Variants in PITPNM3 observed in about 807,000 individuals in gnomAD.
PITPNM3 encodes the protein membrane-associated phosphatidylinositol transfer protein 3.
PITPNM3 carries 26 observed loss-of-function variants against 102.0 expected under a neutral mutation model. The observed-to-expected ratio is 0.25, with a 90% CI of 0.19 to 0.35. The LOEUF (loss-of-function observed/expected upper bound fraction) is 0.35, where lower values mean the gene tolerates loss of function less well. Ranked by LOEUF, PITPNM3 falls within the 10% of genes least tolerant of loss-of-function variation. The pLI, the probability that PITPNM3 is intolerant of heterozygous loss-of-function variation, is 1.00. For missense variants in PITPNM3, 1,083 were observed against 1,346.1 expected (o/e 0.80, Z 3.06); for synonymous variants, 578 against 558.6 (o/e 1.03, Z -0.49).
intron 14 of PITPNM3, among the ~76,000 whole-genome samples, chr17:6,465,167 C>T (rs1266278622): frequency 6.6e-6 from 1 of 152,230 alleles, no homozygotes; most frequent in Non-Finnish European, 1.5e-5. Context: ...CTGCCTCAGC[C>T]TCCTGCGTAG....
In PITPNM3 at chr17:6,478,347, A is replaced by T. The variant is rs1423571611; in HGVS notation, c.777+200T>A. On this transcript the variant is annotated intron_variant, in intron 7 of 19. Coordinates refer to ENST00000262483, the MANE Select transcript of PITPNM3 (RefSeq NM_031220.4). The surrounding 1 kb of genome is among the most constrained non-coding windows in gnomAD (Gnocchi z 4.4). ...TTGGGCTAGAGAGCAGCATGGGCTC[A>T]GAATCAGAACTCAGACTGTTGGCCT... Among the ~76,000 whole-genome samples, 1 of 152,284 alleles carries T rather than the reference A, an allele frequency of 6.6e-6. No individual in the cohort carries two copies. The highest frequency in any genetic ancestry group is 2.4e-5 in the African/African-American group (1 of 41,486).
rs1326452006 is a variant in PITPNM3 at position 6,451,319 on chromosome 17, C to G, written c.*4019G>C. ...AACATTTGAGAGCTAAAAACCAGCT[C>G]ACATCAAAATCAAGACCCAGTTGTA... On this transcript the variant is annotated 3_prime_UTR_variant, in exon 20 of 20. Transcript: ENST00000262483. The G allele has an allele frequency of 2.0e-5, 3 of 152,208 alleles. No homozygotes were observed. The highest frequency in any genetic ancestry group is 7.2e-5 in the African/African-American group (3 of 41,448). The allele number at this position is 152,208 out of a possible 1,614,324, so 9.4% of individuals were successfully genotyped here.
intron 3 of PITPNM3, among the ~76,000 whole-genome samples, chr17:6,515,873 A>T (rs944761572): frequency 4.6e-5 from 7 of 152,168 alleles, no homozygotes; most frequent in African/African-American, 7.2e-5. Flanking sequence ...ATTTTAAAAA[A>T]CAAACAAACA....
At chr17:6,489,319 A>G (rs1300791675) in intron 4 of PITPNM3, among the ~76,000 whole-genome samples, 1 of 152,030 alleles carries the variant, frequency 6.6e-6, no homozygotes, top group Non-Finnish European at 1.5e-5. Context: ...CATCCTTGGC[A>G]GTCACTCCCA....
At chr17:6,532,531 C>T (rs1448662725) in intron 2 of PITPNM3, among the ~76,000 whole-genome samples, 2 of 152,152 alleles carry the variant, frequency 1.3e-5, no homozygotes, top group African/African-American at 4.8e-5. Flanking sequence ...TGATCTGCTC[C>T]TGGCACCACA....
intron 2 of PITPNM3, among the ~76,000 whole-genome samples, chr17:6,526,042 C>T (rs1908816995): frequency 1.3e-5 from 2 of 152,170 alleles, no homozygotes; most frequent in African/African-American, 4.8e-5. Context: ...TCTGGAGTAA[C>T]TGGAGGAGAA....
intron 3 of PITPNM3, among the ~76,000 whole-genome samples, chr17:6,516,431 GC>G (rs1336589641): frequency 6.6e-6 from 1 of 150,642 alleles, no homozygotes; most frequent in African/African-American, 2.5e-5. Flanking sequence ...AGGCGTGGTG[GC>G]GGGCACCTGT....
intron 4 of PITPNM3, among the ~76,000 whole-genome samples, chr17:6,490,326 C>T (rs990987988): frequency 1.3e-5 from 2 of 152,066 alleles, no homozygotes; most frequent in South Asian, 4.1e-4. Flanking sequence ...ACCTCAGACA[C>T]GCTCTGCAAA....
In PITPNM3 at chr17:6,459,349, C is replaced by T. The variant is rs548450574; in HGVS notation, c.2491-1627G>A. Among the ~76,000 whole-genome samples, 2 of 152,068 alleles carry T rather than the reference C, an allele frequency of 1.3e-5. No individual in the cohort carries two copies. Among genetic ancestry groups the T allele is most frequent in the Admixed American group, 6.5e-5 (1 of 15,272 alleles). On this transcript the variant is annotated intron_variant, in intron 18 of 19. Transcript: ENST00000262483. This position sits in a 1 kb window ranked among gnomAD's most constrained non-coding sequence, Gnocchi z 5.0. ...CCTCTCCTCCCGATACCTGGAGTCT[C>T]GTCTCTCTCTCCTGGTCCTCCTCCC... is the stretch of plus-strand genomic sequence containing the variant.
intron 1 of PITPNM3, among the ~76,000 whole-genome samples, chr17:6,548,687 C>A (rs1470854269): frequency 6.6e-6 from 1 of 152,112 alleles, no homozygotes. Flanking sequence ...CAGCTGTCAG[C>A]CCCGAGAGCT....
chr17:6,471,255 C>A lies in PITPNM3; in HGVS notation c.1530G>T (p.Arg510Ser), dbSNP rs373103830. 6.2e-7 allele frequency: 1 copy of A among 1,613,332 alleles called. No homozygotes were observed. Among genetic ancestry groups the A allele is most frequent in the African/African-American group, 1.3e-5 (1 of 74,940 alleles). The change falls in exon 12 of 20, where the codon AGG becomes AGT. Residue 510 changes from arginine (R) to serine (S), a missense_variant. By Grantham distance (110) the Arg-to-Ser change is moderately radical (BLOSUM62 -1). Transcript: ENST00000262483. ...TCATCCTCCGTCCTGGGCGCTGGAA[C>A]CTCGAGGCCTGAGGGGGCGAGGCAG... The part of the protein sequence containing the change: ...DAPASPPQAS[R>S]FQRPGRRMSE...
At position 6,458,723 on chromosome 17, in the gene PITPNM3, A is replaced by C. The variant is rs756194418; in HGVS notation, c.2491-1001T>G. ...CCTCGCCCCTTCCTCATCCTGCCTG[A>C]GTGACCCATGGCATCCCTGTGTCCT... On this transcript the variant is annotated intron_variant, in intron 18 of 19. Coordinates refer to ENST00000262483, the MANE Select transcript of PITPNM3 (RefSeq NM_031220.4). The surrounding 1 kb of genome is among the most constrained non-coding windows in gnomAD (Gnocchi z 5.1). Among the ~76,000 whole-genome samples the C allele has an allele frequency of 6.9e-4, 105 of 151,656 alleles. No homozygotes were observed. Among genetic ancestry groups the C allele is most frequent in the Admixed American group, 1.2e-3 (18 of 15,232 alleles).
At chr17:6,544,654 T>TCTCTCTCTCTCTCTCTCTCACACA (rs376230474) in intron 1 of PITPNM3, among the ~76,000 whole-genome samples, 9 of 130,272 alleles carry the variant, frequency 6.9e-5, no homozygotes, top group African/African-American at 2.8e-4. Context: ...TCTCTCTCTC[T>TCTCTCTCTCTCTCTCTCTCACACA]CACACACACA....
At chr17:6,507,776 G>A (rs1907622698) in intron 3 of PITPNM3, among the ~76,000 whole-genome samples, 1 of 152,158 alleles carries the variant, frequency 6.6e-6, no homozygotes, top group Non-Finnish European at 1.5e-5. Flanking sequence ...GCGCAGGGAG[G>A]AGCCGGGTCT....
At chr17:6,533,901 G>A (rs900380742) in intron 2 of PITPNM3, among the ~76,000 whole-genome samples, 10 of 152,170 alleles carry the variant, frequency 6.6e-5, no homozygotes, top group African/African-American at 1.9e-4. Flanking sequence ...CTTGATGGAC[G>A]GACGCACCAT....
intron 2 of PITPNM3, among the ~76,000 whole-genome samples, chr17:6,532,190 C>A (rs1198829675): frequency 5.3e-5 from 8 of 152,104 alleles, no homozygotes; most frequent in African/African-American, 1.9e-4. Context: ...ACTCTTCCCC[C>A]TGGATTCGCA....
At position 6,457,238 on chromosome 17, in the gene PITPNM3, G is replaced by A. The variant is rs191739468; in HGVS notation, c.2619+356C>T. 1.2e-4 allele frequency among the ~76,000 whole-genome samples: 19 copies of A among 152,190 alleles called. No individual in the cohort carries two copies. The highest frequency in any genetic ancestry group is 1.2e-4 in the Non-Finnish European group (8 of 68,004). On this transcript the variant is annotated intron_variant, in intron 19 of 19. Transcript: ENST00000262483. This position sits in a 1 kb window ranked among gnomAD's most constrained non-coding sequence, Gnocchi z 4.7. ...TTCCTGGACCATTCCTTCAAATTCC[G>A]GAAACCCAACCTTGCCCTGGAGTCT... is the stretch of plus-strand genomic sequence containing the variant.
intron 14 of PITPNM3, among the ~76,000 whole-genome samples, chr17:6,467,084 A>C (rs867638468): frequency 6.9e-6 from 1 of 145,892 alleles, no homozygotes; most frequent in South Asian, 2.2e-4. Context: ...AAAAAACCAA[A>C]AAAAAAAAAC....
intron 1 of PITPNM3, among the ~76,000 whole-genome samples, chr17:6,551,913 C>CTGT (rs1337059610): frequency 6.6e-6 from 1 of 152,052 alleles, no homozygotes. Context: ...CCAAAGGAGG[C>CTGT]TGACTCAGCA....
Sources: gnomAD v4.1 joint callset for allele counts (sites outside exome capture counted in the v4.1 genomes callset) on GRCh38, gnomAD v4.1.1 for gene constraint, Gnocchi (gnomAD v3.1) non-coding constraint, MANE v1.5 for transcripts, NCBI Gene and HGNC (gene_info 2026-07-23, HGNC 2026-07-21) for gene names.